The following CDKL4 variants were observed in gnomAD, a reference collection of about 807,000 sequenced individuals.
CDKL4 encodes cyclin-dependent kinase-like 4.
In CDKL4, 44 loss-of-function variants were observed where a neutral mutation model predicts 42.0. The ratio of observed to expected loss-of-function variants is 1.05; its 90% CI spans 0.82 to 1.35. The LOEUF (loss-of-function observed/expected upper bound fraction) is 1.35, where lower values mean the gene tolerates loss of function less well. Ranked by LOEUF, CDKL4 falls within the 40% of genes most tolerant of loss-of-function variation. CDKL4 has a pLI of 0.00. For synonymous variants in CDKL4, 120 were observed against 121.6 expected (o/e 0.99, Z 0.09); for missense variants, 393 against 369.9 (o/e 1.06, Z -0.51).
At chr2:39,207,838 A>T (rs1359940868) in intron 4 of CDKL4, among the ~76,000 whole-genome samples, 1 of 152,224 alleles carries the variant, frequency 6.6e-6, no homozygotes, top group Non-Finnish European at 1.5e-5. Context: ...GTGGTGGCTC[A>T]TGCCTGTAAC....
chr2:39,220,112 C>T (rs1247432618), intron 3 of CDKL4, among the ~76,000 whole-genome samples: 3 of 152,174 alleles, frequency 2.0e-5, no homozygotes, highest in Non-Finnish European at 4.4e-5. Context: ...TAATTAGTTT[C>T]TCAGTTAATG....
chr2:39,226,074 TATA>T (rs1445024124), intron 2 of CDKL4, 114 bp from the exon 3 acceptor site: 19 of 1,029,566 alleles, frequency 1.8e-5, no homozygotes, highest in Middle Eastern at 3.4e-4. Flanking sequence ...CCAATGTACC[TATA>T]ATAAGTGGTA....
intron 4 of CDKL4, among the ~76,000 whole-genome samples, chr2:39,209,621 T>TC (rs1216536586): frequency 3.3e-5 from 5 of 152,204 alleles, no homozygotes; most frequent in African/African-American, 1.2e-4. Context: ...CCAGGTGATC[T>TC]CTATGAACCA....
exon 1 of CDKL4, among the ~76,000 whole-genome samples, chr2:39,243,888 G>A (rs1277588955): frequency 6.6e-6 from 1 of 152,220 alleles, no homozygotes; most frequent in Non-Finnish European, 1.5e-5. Context: ...ACAGGGCGAC[G>A]GTGACGAAGC....
exon 6 of CDKL4, chr2:39,190,493 T>G (rs763914040): frequency 1.2e-6 from 2 of 1,613,970 alleles, no homozygotes; most frequent in Non-Finnish European, 1.7e-6. Context: ...GGTGTAGGCA[T>G]CTCCTGGAAC....
In CDKL4 at chr2:39,191,539, C is replaced by A. The variant is rs567910286; in HGVS notation, c.455-1037G>T. 9.9e-4 allele frequency among the ~76,000 whole-genome samples: 150 copies of A among 152,276 alleles called. 2 individuals are homozygous for A. The South Asian group carries it at 0.03, about 30-fold the overall frequency. On this transcript the variant is annotated intron_variant, in intron 5 of 9. Transcript: ENST00000451199. ...GAAAATAGATTTCTGTTGTTTTCAG[C>A]CACTCAGATTGTGGTAATGTATCAT...
chr2:39,227,777 T>A (rs1424659485), intron 2 of CDKL4, among the ~76,000 whole-genome samples: 1 of 152,212 alleles, frequency 6.6e-6, no homozygotes, highest in African/African-American at 2.4e-5. Context: ...TGATGCAATG[T>A]CAAGGTTAAA....
chr2:39,200,306 A>G (rs892959921), intron 5 of CDKL4, among the ~76,000 whole-genome samples: 10 of 152,148 alleles, frequency 6.6e-5, no homozygotes, highest in Admixed American at 5.9e-4. Context: ...TCTACAAGGA[A>G]AACTACAAAA....
downstream of CDKL4, among the ~76,000 whole-genome samples, chr2:39,173,697 C>G (rs1675060719): frequency 6.6e-6 from 1 of 151,708 alleles, no homozygotes; most frequent in Admixed American, 6.6e-5. Flanking sequence ...GTAGTCCCAG[C>G]TACTAGGGAG....
intron 4 of CDKL4, among the ~76,000 whole-genome samples, chr2:39,213,096 G>T (rs1306448499): frequency 6.6e-6 from 1 of 151,528 alleles, no homozygotes; most frequent in Non-Finnish European, 1.5e-5. Context: ...ATTGGAAAGA[G>T]CCATGAATAA....
intron 1 of CDKL4, among the ~76,000 whole-genome samples, chr2:39,237,164 A>T (rs780123421): frequency 2.6e-5 from 4 of 152,236 alleles, no homozygotes; most frequent in Admixed American, 6.5e-5. Flanking sequence ...TTAACAAAAT[A>T]ATTAGCAAAC....
At chr2:39,225,741 G>T (rs1357274797) in intron 3 of CDKL4, 98 bp downstream of exon 3, 3 of 1,220,220 alleles carry the variant, frequency 2.5e-6, no homozygotes, top group Non-Finnish European at 3.4e-6. Flanking sequence ...TGGTAGAAAG[G>T]GGAATTGTGG....
Position 39,181,536 on chromosome 2 carries a change from C to T in CDKL4, c.793-2215G>A, listed in dbSNP as rs79893048. 4.3e-3 allele frequency among the ~76,000 whole-genome samples: 648 copies of T among 151,926 alleles called. 7 individuals carry two copies. Among genetic ancestry groups the T allele is most frequent in the East Asian group, 0.022 (116 of 5,174 alleles). Reference sequence around the variant, plus strand: ...ACTGTTATGGGTTGAGTTGTATCGCCGCAAAAATATGTATGTTGAAGTTCT... The same window carrying T: ...ACTGTTATGGGTTGAGTTGTATCGCTGCAAAAATATGTATGTTGAAGTTCT... On this transcript the variant is annotated intron_variant, in intron 8 of 9. Transcript: ENST00000451199.
At chr2:39,180,935 C>T (rs1020196205) in intron 8 of CDKL4, among the ~76,000 whole-genome samples, 8 of 152,134 alleles carry the variant, frequency 5.3e-5, no homozygotes, top group African/African-American at 1.9e-4. Context: ...GTGATCTGCC[C>T]ACCTCGGCCT....
At position 39,208,128 on chromosome 2, in the gene CDKL4, T is replaced by A. The variant is rs933632501; in HGVS notation, c.364-3511A>T. Reference sequence around the variant, plus strand: ...AAATAAATAAATAAATAAAAATTTTTAAAAAATTAAAAAATAAATAATTGG... The same window carrying A: ...AAATAAATAAATAAATAAAAATTTTAAAAAAATTAAAAAATAAATAATTGG... On this transcript the variant is annotated intron_variant, in intron 4 of 9. Coordinates refer to ENST00000451199, the Ensembl canonical transcript of CDKL4. Among the ~76,000 whole-genome samples, 80 of 151,746 alleles carry A rather than the reference T, an allele frequency of 5.3e-4. 1 individual carries two copies. Among genetic ancestry groups the A allele is most frequent in the Admixed American group, 1.9e-3 (29 of 15,238 alleles).
intron 1 of CDKL4, among the ~76,000 whole-genome samples, 167 bp downstream of exon 1, chr2:39,243,704 C>A (rs2148417013): frequency 6.6e-6 from 1 of 152,374 alleles, no homozygotes; most frequent in South Asian, 2.1e-4. Context: ...CTCGAATCCG[C>A]CCCTTCCCTT....
At chr2:39,219,635 G>T (rs987845118) in intron 3 of CDKL4, among the ~76,000 whole-genome samples, 1 of 152,016 alleles carries the variant, frequency 6.6e-6, no homozygotes, top group African/African-American at 2.4e-5. Flanking sequence ...TGCCCAGAGT[G>T]GTCTTGAACT....
intron 6 of CDKL4, 57 bp from the exon 7 acceptor site, chr2:39,187,766 T>G (rs1675913973): frequency 8.3e-7 from 1 of 1,202,792 alleles, no homozygotes; most frequent in East Asian, 2.4e-5. Flanking sequence ...AATCAAGTGT[T>G]TAAATGGTTA....
In CDKL4 at chr2:39,240,867, AATT is replaced by A. The variant is rs1189357704; in HGVS notation, c.-57+3001_-57+3003del. Reference sequence around the variant, plus strand: ...TGGCAAAAATGCAAAATCTAAATCTAATTATGAGTTAACAATAGACATGGCCAA... The same window carrying A: ...TGGCAAAAATGCAAAATCTAAATCTAATGAGTTAACAATAGACATGGCCAA... On this transcript the variant is annotated intron_variant, in intron 1 of 9. Coordinates refer to ENST00000451199, the Ensembl canonical transcript of CDKL4. Among the ~76,000 whole-genome samples the A allele has an allele frequency of 1.1e-4, 17 of 152,296 alleles. No homozygotes were observed. The East Asian group carries it at 3.3e-3, about 29-fold the overall frequency.
Sources: allele counts gnomAD v4.1 joint callset (sites outside exome capture counted in the v4.1 genomes callset), GRCh38; gene constraint gnomAD v4.1.1; transcripts MANE v1.5; gene names NCBI Gene and HGNC (gene_info 2026-07-23, HGNC 2026-07-21).